Variants in QKI observed in about 807,000 individuals in gnomAD.
QKI encodes KH domain-containing RNA-binding protein QKI.
Under a neutral mutation model 39.0 loss-of-function variants are expected in QKI, and 10 were observed. The observed-to-expected ratio is 0.26, with a 90% CI of 0.16 to 0.43. The LOEUF (loss-of-function observed/expected upper bound fraction) is 0.43, where lower values mean the gene tolerates loss of function less well. Ranked by LOEUF, QKI falls within the 20% of genes least tolerant of loss-of-function variation. The pLI is 1.00. For missense variants in QKI, 218 were observed against 428.0 expected (o/e 0.51, Z 4.33); for synonymous variants, 204 against 155.4 (o/e 1.31, Z -2.33).
intron 1 of QKI, among the ~76,000 whole-genome samples, chr6:163,452,039 T>C (rs538630954): frequency 4.6e-5 from 7 of 152,196 alleles, no homozygotes; most frequent in Admixed American, 1.3e-4. Flanking sequence ...GGCTCTTGCA[T>C]AGTAAGATTG....
chr6:163,419,996 G>GTT (rs1416644786), intron 1 of QKI, among the ~76,000 whole-genome samples: 1 of 152,104 alleles, frequency 6.6e-6, no homozygotes, highest in Non-Finnish European at 1.5e-5. Flanking sequence ...AGAGCAAATG[G>GTT]TTTTTGGTTT....
chr6:163,471,849 T>TC (rs1792214395), intron 2 of QKI, among the ~76,000 whole-genome samples: 1 of 151,776 alleles, frequency 6.6e-6, no homozygotes, highest in Non-Finnish European at 1.5e-5. Flanking sequence ...AGATGATTTT[T>TC]ACAGGAGTCC....
chr6:163,568,708 A>G, intron 7 of QKI: 1 of 985,412 alleles, frequency 1.0e-6, no homozygotes, highest in Non-Finnish European at 1.2e-6. Context: ...CAGCCCTTGG[A>G]CATATAACCA....
chr6:163,547,893 A>G (rs1386613330), intron 4 of QKI, among the ~76,000 whole-genome samples: 1 of 152,114 alleles, frequency 6.6e-6, no homozygotes, highest in African/African-American at 2.4e-5. Flanking sequence ...TCCTTGTTGT[A>G]GGTTTTCAGT....
intron 1 of QKI, among the ~76,000 whole-genome samples, chr6:163,451,126 ATCT>A (rs1790531959): frequency 1.3e-5 from 2 of 152,364 alleles, no homozygotes; most frequent in Admixed American, 1.3e-4. Context: ...AAAAATTGAA[ATCT>A]TCTGTTGGTG....
At chr6:163,459,777 C>T (rs1277961271) in intron 2 of QKI, among the ~76,000 whole-genome samples, 2 of 152,060 alleles carry the variant, frequency 1.3e-5, no homozygotes, top group African/African-American at 2.4e-5. Context: ...GGAGTTCAGT[C>T]TTGTGTGAAG....
At chr6:163,516,209 C>T (rs1247190680) in intron 3 of QKI, among the ~76,000 whole-genome samples, 2 of 152,126 alleles carry the variant, frequency 1.3e-5, no homozygotes, top group Non-Finnish European at 2.9e-5. Context: ...AACATACATA[C>T]ATTGTACCCC....
intron 2 of QKI, among the ~76,000 whole-genome samples, chr6:163,464,150 A>G (rs1791557494): frequency 6.6e-6 from 1 of 152,208 alleles, no homozygotes; most frequent in South Asian, 2.1e-4. Flanking sequence ...CTCTGAAGTC[A>G]GGAACTCGCT....
At chr6:163,471,710 AG>A (rs1792200400) in intron 2 of QKI, among the ~76,000 whole-genome samples, 1 of 152,158 alleles carries the variant, frequency 6.6e-6, no homozygotes, top group African/African-American at 2.4e-5. Flanking sequence ...GCCCACATCC[AG>A]GAAAAAGAGG....
rs34137021 is a variant in QKI at position 163,436,813 on chromosome 6, A to AG, written c.143-18463dup. 2.5e-4 allele frequency among the ~76,000 whole-genome samples: 36 copies of AG among 144,358 alleles called. No individual in the cohort carries two copies. In the East Asian group the frequency reaches 4.2e-3, roughly 17 times the overall value. The allele number at this position is 144,358 out of a possible 152,430, so 94.7% of individuals were successfully genotyped here. A position where few individuals can be genotyped will look rare whatever the true frequency, so the allele number is the denominator to read the frequency against. ...TCAAAAAAAAAAAAAAAAAAAAAAA[A>AG]GGGAAGAAGAAATAGAAGTATTCCT... On this transcript the variant is annotated intron_variant, in intron 1 of 7. Coordinates refer to ENST00000361752, the MANE Select transcript of QKI (RefSeq NM_006775.3).
At chr6:163,489,313 C>T (rs781557032) in intron 3 of QKI, among the ~76,000 whole-genome samples, 7 of 151,798 alleles carry the variant, frequency 4.6e-5, no homozygotes, top group Admixed American at 1.3e-4. Context: ...TGATGGTTTG[C>T]GTTACCATCA....
chr6:163,521,010 A>G (rs1164273486), intron 3 of QKI, among the ~76,000 whole-genome samples: 2 of 152,182 alleles, frequency 1.3e-5, no homozygotes, highest in Admixed American at 6.5e-5. Flanking sequence ...AGTTTTTCTA[A>G]TGACGTAAAA....
At chr6:163,553,548 A>G (rs1278873469) in intron 4 of QKI, among the ~76,000 whole-genome samples, 1 of 151,758 alleles carries the variant, frequency 6.6e-6, no homozygotes, top group Admixed American at 6.6e-5. Context: ...TTTTTTTTTT[A>G]ATCTATAAAT....
At chr6:163,501,333 A>G (rs1020682431) in intron 3 of QKI, among the ~76,000 whole-genome samples, 7 of 151,802 alleles carry the variant, frequency 4.6e-5, no homozygotes, top group South Asian at 2.1e-4. Flanking sequence ...TTTTTAGACA[A>G]TAGTTGTTTA....
At chr6:163,421,184 T>TA (rs1787964668) in intron 1 of QKI, among the ~76,000 whole-genome samples, 1 of 152,266 alleles carries the variant, frequency 6.6e-6, no homozygotes, top group Non-Finnish European at 1.5e-5. Flanking sequence ...AAGGCACTTA[T>TA]ATGTTTTCTT....
chr6:163,549,122 C>T (rs1782064984), intron 4 of QKI, among the ~76,000 whole-genome samples: 1 of 152,074 alleles, frequency 6.6e-6, no homozygotes, highest in Non-Finnish European at 1.5e-5. Context: ...GAAGGCATCT[C>T]TTCACAGGGC....
chr6:163,461,459 A>T (rs921478013), intron 2 of QKI, among the ~76,000 whole-genome samples: 9 of 152,196 alleles, frequency 5.9e-5, no homozygotes, highest in Admixed American at 5.9e-4. Flanking sequence ...AAAATGAAAG[A>T]TGGGGTTGTT....
At chr6:163,501,512 C>A (rs893704286) in intron 3 of QKI, among the ~76,000 whole-genome samples, 2 of 152,236 alleles carry the variant, frequency 1.3e-5, no homozygotes, top group South Asian at 4.1e-4. Context: ...AATCATCTTA[C>A]GGGGAGGAGG....
chr6:163,486,838 C>T (rs1349507525), intron 3 of QKI, among the ~76,000 whole-genome samples: 2 of 152,118 alleles, frequency 1.3e-5, no homozygotes, highest in Non-Finnish European at 2.9e-5. Flanking sequence ...GTATCCTGTC[C>T]TATGTCAGTT....
Sources: allele counts gnomAD v4.1 joint callset (sites outside exome capture counted in the v4.1 genomes callset), GRCh38; gene constraint gnomAD v4.1.1; transcripts MANE v1.5; gene names NCBI Gene and HGNC (gene_info 2026-07-23, HGNC 2026-07-21).